The following ACOXL variants were observed in gnomAD, a reference collection of about 807,000 sequenced individuals.
The protein encoded by ACOXL is acyl-CoA oxidase like.
In ACOXL, 70 loss-of-function variants were observed where a neutral mutation model predicts 71.9. The observed-to-expected ratio is 0.97, with a 90% confidence interval of 0.80 to 1.19. ACOXL has a LOEUF of 1.19. Among genes scored for constraint, ACOXL ranks in the 50% most tolerant of loss-of-function variants. ACOXL has a pLI of 0.00. For missense variants in ACOXL, 703 were observed against 736.3 expected (o/e 0.95, Z 0.52); for synonymous variants, 253 against 281.6 (o/e 0.90, Z 1.02).
At chr2:111,109,671 ATTTTTTTTTTTTT>A (rs869081161) in intron 17 of ACOXL, among the ~76,000 whole-genome samples, 1 of 75,644 alleles carries the variant, frequency 1.3e-5, no homozygotes, top group African/African-American at 5.5e-5. Flanking sequence ...TTCTCCTTCT[ATTTTTTTTTTTTT>A]TTTTTTTTTT....
At chr2:111,013,242 G>T (rs961930468) in intron 14 of ACOXL, among the ~76,000 whole-genome samples, 3 of 151,996 alleles carry the variant, frequency 2.0e-5, no homozygotes, top group Admixed American at 1.3e-4. Context: ...AAAAAAATGG[G>T]GGCCAGGTGC....
At chr2:110,868,270 G>T (rs956860185) in intron 10 of ACOXL, among the ~76,000 whole-genome samples, 10 of 152,274 alleles carry the variant, frequency 6.6e-5, no homozygotes, top group African/African-American at 1.4e-4. Context: ...TTGATTTTTT[G>T]GGGCTGCTCT....
At chr2:110,938,452 T>C (rs1350094969) in intron 12 of ACOXL, among the ~76,000 whole-genome samples, 1 of 152,252 alleles carries the variant, frequency 6.6e-6, no homozygotes, top group Non-Finnish European at 1.5e-5. Context: ...CACTGCAGCA[T>C]GGTGCTTGGC....
intron 12 of ACOXL, among the ~76,000 whole-genome samples, chr2:110,937,773 G>A (rs1449271866): frequency 1.3e-5 from 2 of 152,156 alleles, no homozygotes; most frequent in Non-Finnish European, 2.9e-5. Flanking sequence ...CACATTTACT[G>A]CCTTTGAAGC....
intron 12 of ACOXL, among the ~76,000 whole-genome samples, chr2:110,960,327 A>G (rs1306125383): frequency 6.6e-6 from 1 of 152,236 alleles, no homozygotes. Context: ...TATGTAGTGC[A>G]TACGAAAGTT....
intron 10 of ACOXL, among the ~76,000 whole-genome samples, chr2:110,856,654 C>T (rs544054968): frequency 3.9e-5 from 6 of 152,314 alleles, no homozygotes; most frequent in African/African-American, 9.6e-5. Flanking sequence ...GTAAAAGGTA[C>T]AGCCACAGGG....
chr2:110,935,797 C>T (rs1203976862), intron 12 of ACOXL, among the ~76,000 whole-genome samples: 1 of 151,876 alleles, frequency 6.6e-6, no homozygotes, highest in Non-Finnish European at 1.5e-5. Context: ...TGGCCTCCAA[C>T]CTGTTTGGCA....
intron 1 of ACOXL, among the ~76,000 whole-genome samples, chr2:110,756,568 A>T (rs1679730442): frequency 6.6e-6 from 1 of 152,110 alleles, no homozygotes; most frequent in South Asian, 2.1e-4. Context: ...TTATTTTAAT[A>T]CTTTGTGGTT....
At position 110,880,734 on chromosome 2, in the gene ACOXL, G is replaced by C. The variant is rs527453965; in HGVS notation, c.789-28055G>C. 3.3e-5 allele frequency among the ~76,000 whole-genome samples: 5 copies of C among 152,272 alleles called. No homozygotes were observed. In the South Asian group the frequency reaches 8.3e-4, roughly 25 times the overall value. On this transcript the variant is annotated intron_variant, in intron 10 of 17. Transcript: ENST00000439055. The stretch of plus-strand genomic sequence containing the variant: ...AGGCTGAGGTGAGAGGATTACTCGA[G>C]CCTGGGAGGCCAAGATTGGAGTGAG...
chr2:110,899,750 A>G (rs903884661), intron 10 of ACOXL, among the ~76,000 whole-genome samples: 1 of 152,148 alleles, frequency 6.6e-6, no homozygotes, highest in African/African-American at 2.4e-5. Context: ...AAAAAATCTC[A>G]AGGAATCACA....
chr2:111,052,010 T>C (rs2066311575), intron 16 of ACOXL, among the ~76,000 whole-genome samples: 1 of 152,238 alleles, frequency 6.6e-6, no homozygotes, highest in South Asian at 2.1e-4. Context: ...GAAGATGCTC[T>C]ATAGACAGAC....
intron 9 of ACOXL, among the ~76,000 whole-genome samples, chr2:110,832,265 G>A (rs375444550): frequency 3.3e-5 from 5 of 152,272 alleles, no homozygotes; most frequent in East Asian, 3.9e-4. Flanking sequence ...TAGGCCGGGC[G>A]CGGTGGCTCA....
chr2:110,951,339 T>A (rs572083909), intron 12 of ACOXL, among the ~76,000 whole-genome samples: 1 of 152,356 alleles, frequency 6.6e-6, no homozygotes, highest in African/African-American at 2.4e-5. Context: ...ATTCTAACGA[T>A]CTGTTTGTAG....
At chr2:110,902,087 A>G (rs747484162) in intron 10 of ACOXL, among the ~76,000 whole-genome samples, 22 of 152,198 alleles carry the variant, frequency 1.4e-4, no homozygotes, top group Non-Finnish European at 3.1e-4. Flanking sequence ...ATGACAGGTA[A>G]AACACAGAGG....
chr2:111,080,738 A>G (rs557828420), intron 16 of ACOXL, among the ~76,000 whole-genome samples: 5 of 152,356 alleles, frequency 3.3e-5, no homozygotes, highest in Admixed American at 2.0e-4. Flanking sequence ...TTTCAGGCCA[A>G]TATCCCTGAT....
chr2:110,803,495 C>G (rs1237081258), intron 8 of ACOXL, among the ~76,000 whole-genome samples: 1 of 151,994 alleles, frequency 6.6e-6, no homozygotes, highest in Non-Finnish European at 1.5e-5. Context: ...TGGACCTTTA[C>G]TGCCTACCAT....
At chr2:111,057,649 G>C (rs767398566) in intron 16 of ACOXL, among the ~76,000 whole-genome samples, 4 of 152,208 alleles carry the variant, frequency 2.6e-5, no homozygotes, top group Admixed American at 6.5e-5. Context: ...CTGCTCTGCT[G>C]TCTGTGCATT....
Position 111,118,008 on chromosome 2 carries a change from G to C in ACOXL, c.*192G>C. The C allele has an allele frequency of 3.0e-6, 2 of 669,446 alleles. No individual in the cohort carries two copies. The highest frequency in any genetic ancestry group is 2.9e-5 in the Admixed American group (1 of 33,922). The allele number at this position is 669,446 out of a possible 1,614,324, so 41.5% of individuals were successfully genotyped here. The stretch of plus-strand genomic sequence containing the variant: ...TGGCTGCTAGGAAAGAGATCCAGAC[G>C]GTCGCCTGGTGCGCTGGATCCCTGT... On this transcript the variant is annotated 3_prime_UTR_variant, in exon 18 of 18. Transcript: ENST00000439055.
intron 9 of ACOXL, among the ~76,000 whole-genome samples, chr2:110,823,019 G>A (rs547230634): frequency 3.9e-5 from 6 of 152,136 alleles, no homozygotes; most frequent in African/African-American, 1.4e-4. Context: ...TTGGGAGGCC[G>A]AAGCAGGTGG....
Sources: allele counts gnomAD v4.1 joint callset (sites outside exome capture counted in the v4.1 genomes callset), GRCh38; gene constraint gnomAD v4.1.1; transcripts MANE v1.5; gene names NCBI Gene and HGNC (gene_info 2026-07-23, HGNC 2026-07-21).